The following CDK6 variants were observed in gnomAD, a reference collection of about 807,000 sequenced individuals.
The protein encoded by CDK6 is cyclin-dependent kinase 6.
A neutral mutation model predicts 37.1 loss-of-function variants in CDK6; 6 were observed. The ratio of observed to expected loss-of-function variants is 0.16; its 90% CI spans 0.09 to 0.32. The LOEUF is 0.32. CDK6 is among the 10% of genes least tolerant of loss of function. The probability of loss-of-function intolerance (pLI) is 1.00; values close to 1 mark genes in which losing one functional copy is unlikely to be tolerated. For synonymous variants in CDK6, 160 were observed against 161.3 expected, an observed-to-expected ratio of 0.99 and a Z score of 0.06; for missense variants, 224 against 418.9, an observed-to-expected ratio of 0.53 and a Z score of 4.06.
At chr7:92,728,108 C>A (rs879284532) in intron 3 of CDK6, among the ~76,000 whole-genome samples, 1 of 152,146 alleles carries the variant, frequency 6.6e-6, no homozygotes, top group Non-Finnish European at 1.5e-5. Context: ...AAAACATGCA[C>A]ATCGTTTTTA....
At chr7:92,690,987 A>G (rs1356875724) in intron 4 of CDK6, among the ~76,000 whole-genome samples, 1 of 152,222 alleles carries the variant, frequency 6.6e-6, no homozygotes, top group East Asian at 1.9e-4. Context: ...ATATGCTCAC[A>G]TTCAGGTAGT....
At chr7:92,640,319 C>A (rs1484951361) in intron 5 of CDK6, among the ~76,000 whole-genome samples, 6 of 152,198 alleles carry the variant, frequency 3.9e-5, no homozygotes, top group Non-Finnish European at 5.9e-5. Context: ...GCTAGCCTAT[C>A]ATAAACAGGA....
In CDK6 at chr7:92,778,395, T is replaced by C. The variant is rs1330453060; in HGVS notation, c.234-3564A>G. ...CCCTAATGTTACTTATTCTGGAAAA[T>C]TATTCCAATAAAGTAAAAACTCTTA... On this transcript the variant is annotated intron_variant, in intron 2 of 7. Transcript: ENST00000424848. 3.3e-5 allele frequency among the ~76,000 whole-genome samples: 5 copies of C among 152,314 alleles called. No homozygotes were observed. In the South Asian group the frequency reaches 1.0e-3, roughly 32 times the overall value.
At position 92,611,482 on chromosome 7, in the gene CDK6, T is replaced by G. The variant is rs1046106863; in HGVS notation, c.*3658A>C. 8 of 227,548 alleles carry G rather than the reference T, an allele frequency of 3.5e-5. No homozygotes were observed. Among genetic ancestry groups the G allele is most frequent in the Admixed American group, 2.8e-4 (5 of 17,634 alleles). 14.1% of individuals were successfully genotyped at this position (227,548 alleles called of 1,614,324 possible). ...GAAAAGCAATATTTTAGAAGAATTT[T>G]AATATGTTTATGATATTAGGAAGCT... On this transcript the variant is annotated 3_prime_UTR_variant, in exon 8 of 8. Transcript: ENST00000424848.
intron 4 of CDK6, among the ~76,000 whole-genome samples, chr7:92,672,242 CATAT>C (rs1554401747): frequency 1.9e-4 from 22 of 116,598 alleles, no homozygotes; most frequent in African/African-American, 9.1e-4. Context: ...CACACACACA[CATAT>C]ATGAAGATGG....
chr7:92,758,432 C>A (rs938550735), intron 3 of CDK6, among the ~76,000 whole-genome samples: 5 of 152,106 alleles, frequency 3.3e-5, no homozygotes, highest in Non-Finnish European at 7.4e-5. Flanking sequence ...TGTGGAAGGG[C>A]AGATGGTCAT....
chr7:92,788,593 C>T (rs987900755), intron 2 of CDK6, among the ~76,000 whole-genome samples: 6 of 152,086 alleles, frequency 3.9e-5, no homozygotes, highest in African/African-American at 1.4e-4. Flanking sequence ...TAATTCTGCA[C>T]CATTATTATG....
chr7:92,814,174 C>T (rs1364564151), intron 2 of CDK6, among the ~76,000 whole-genome samples: 2 of 152,072 alleles, frequency 1.3e-5, no homozygotes, highest in African/African-American at 4.8e-5. Flanking sequence ...CTGTTGGTTT[C>T]AGGGATGGTA....
At position 92,618,099 on chromosome 7, in the gene CDK6, G is replaced by A. The variant is rs1293302758; in HGVS notation, c.807C>T (p.Ile269=). 4 of 1,614,064 alleles carry A rather than the reference G, an allele frequency of 2.5e-6. No individual in the cohort carries two copies. The highest frequency in any genetic ancestry group is 2.2e-5 in the East Asian group (1 of 44,884). ...AQPIEKFVTD[I]DELGKDLLLK... is the part of the protein sequence containing the mutation. ...GAAGTAGGTCTTTGCCTAGTTCATCGATATCTGTTACAAACTTCTCAATTG... is the reference window on the plus strand; with the variant it reads ...GAAGTAGGTCTTTGCCTAGTTCATCAATATCTGTTACAAACTTCTCAATTG... The change falls in exon 7 of 8, where the codon ATC becomes ATT. Residue 269 remains isoleucine, a synonymous_variant. Transcript: ENST00000424848.
chr7:92,635,919 CA>C (rs767122423), intron 5 of CDK6, among the ~76,000 whole-genome samples: 3 of 152,058 alleles, frequency 2.0e-5, no homozygotes, highest in Non-Finnish European at 2.9e-5. Context: ...TAGACATAGT[CA>C]GGGACGTGAT....
At chr7:92,746,745 A>C (rs923752910) in intron 3 of CDK6, among the ~76,000 whole-genome samples, 1 of 152,188 alleles carries the variant, frequency 6.6e-6, no homozygotes, top group African/African-American at 2.4e-5. Flanking sequence ...CCAACACCTG[A>C]CATTATAAAA....
chr7:92,654,993 C>T (rs1267827023), intron 5 of CDK6, among the ~76,000 whole-genome samples: 3 of 151,098 alleles, frequency 2.0e-5, no homozygotes, highest in Non-Finnish European at 4.4e-5. Flanking sequence ...CAGGCACGTG[C>T]CACCATGCCT....
chr7:92,790,700 A>G (rs896495339), intron 2 of CDK6, among the ~76,000 whole-genome samples: 1 of 152,188 alleles, frequency 6.6e-6, no homozygotes, highest in African/African-American at 2.4e-5. Flanking sequence ...ACACACACAT[A>G]CACATACATC....
chr7:92,624,073 T>C (rs1239733130), intron 5 of CDK6, among the ~76,000 whole-genome samples: 1 of 152,096 alleles, frequency 6.6e-6, no homozygotes, highest in Non-Finnish European at 1.5e-5. Flanking sequence ...TCACTATATA[T>C]GGCCATATAT....
At chr7:92,672,136 T>TATAC (rs1797085880) in intron 4 of CDK6, among the ~76,000 whole-genome samples, 1 of 104,608 alleles carries the variant, frequency 9.6e-6, no homozygotes, top group African/African-American at 3.9e-5. Context: ...AAGCTGTACA[T>TATAC]ATATATATAT....
intron 5 of CDK6, among the ~76,000 whole-genome samples, chr7:92,654,633 G>A (rs1054513222): frequency 6.6e-6 from 1 of 152,070 alleles, no homozygotes; most frequent in African/African-American, 2.4e-5. Context: ...GGTATTTGAA[G>A]CGTCTTACCC....
At chr7:92,764,139 CT>C (rs397891071) in intron 3 of CDK6, among the ~76,000 whole-genome samples, 383 of 140,294 alleles carry the variant, frequency 2.7e-3, no homozygotes, top group Middle Eastern at 3.7e-3. Flanking sequence ...GTTTATTTGT[CT>C]TTTTTTTTTT....
chr7:92,802,471 A>G (rs1562969402), intron 2 of CDK6, among the ~76,000 whole-genome samples: 1 of 152,186 alleles, frequency 6.6e-6, no homozygotes, highest in Non-Finnish European at 1.5e-5. Flanking sequence ...TTCTAAAATT[A>G]TGGGCTATGT....
intron 3 of CDK6, among the ~76,000 whole-genome samples, chr7:92,752,198 T>C (rs1457629734): frequency 6.6e-6 from 1 of 152,180 alleles, no homozygotes; most frequent in African/African-American, 2.4e-5. Context: ...TTTGAGAAGT[T>C]TCCCTCAGAG....
Sources: allele counts gnomAD v4.1 joint callset (sites outside exome capture counted in the v4.1 genomes callset), GRCh38; gene constraint gnomAD v4.1.1; transcripts MANE v1.5; gene names NCBI Gene and HGNC (gene_info 2026-07-23, HGNC 2026-07-21).